Variants in PKHD1 observed in about 807,000 individuals in gnomAD.
PKHD1 encodes fibrocystin.
A neutral mutation model predicts 412.0 loss-of-function variants in PKHD1; 291 were observed. The ratio of observed to expected loss-of-function variants is 0.71; its 90% confidence interval spans 0.64 to 0.78. The LOEUF is 0.78. Ranked by LOEUF, PKHD1 falls within the 30% of genes least tolerant of loss-of-function variation. The pLI is 0.00. For missense variants in PKHD1, 4,825 were observed against 4,950.7 expected, an observed-to-expected ratio of 0.97 and a Z score of 0.76; for synonymous variants, 1,777 against 1,821.5, an observed-to-expected ratio of 0.98 and a Z score of 0.62.
intron 35 of PKHD1, among the ~76,000 whole-genome samples, chr6:51,981,561 C>T (rs1367377679): frequency 6.7e-6 from 1 of 150,262 alleles, no homozygotes; most frequent in Non-Finnish European, 1.5e-5. Context: ...GCGAGTGATC[C>T]GCCAGCCTCG....
chr6:51,672,672 G>A (rs972063313), intron 60 of PKHD1, among the ~76,000 whole-genome samples: 3 of 152,180 alleles, frequency 2.0e-5, no homozygotes, highest in African/African-American at 4.8e-5. Context: ...AGGACAAAGA[G>A]TCATAGGTAT....
chr6:52,026,164 T>C lies in PKHD1; in HGVS notation c.3646A>G (p.Ile1216Val). The change falls in exon 32 of 67, where the codon ATC becomes GTC. Residue 1216 changes from isoleucine (I) to valine (V), a missense_variant. By Grantham distance (29) the Ile-to-Val change is conservative. Coordinates refer to ENST00000371117, the MANE Select transcript of PKHD1 (RefSeq NM_138694.4). ...GSLLGGTILSISGIGFSRDPA... is the reference protein window; with the variant it reads ...GSLLGGTILSVSGIGFSRDPA... ...TCCCTGCTGAAGCCTATTCCTGAGA[T>C]GCTGAGGATGGTCCCTCCTAAAGTA... 1.9e-6 allele frequency: 3 copies of C among 1,614,018 alleles called. No individual in the cohort carries two copies. Among genetic ancestry groups the C allele is most frequent in the Non-Finnish European group, 2.5e-6 (3 of 1,179,954 alleles).
intron 29 of PKHD1, 111 bp from the exon 30 acceptor site, chr6:52,028,462 T>A: frequency 1.0e-6 from 1 of 971,730 alleles, no homozygotes; most frequent in East Asian, 2.5e-5. Context: ...CCCCTATGCA[T>A]AATACTCTTA....
At chr6:51,997,974 T>C (rs1440603995) in intron 35 of PKHD1, among the ~76,000 whole-genome samples, 2 of 152,194 alleles carry the variant, frequency 1.3e-5, no homozygotes, top group Non-Finnish European at 2.9e-5. Flanking sequence ...AAAGACACCA[T>C]GTGGAATAGA....
At chr6:51,915,833 G>A (rs1402391145) in intron 37 of PKHD1, among the ~76,000 whole-genome samples, 3 of 151,972 alleles carry the variant, frequency 2.0e-5, no homozygotes, top group Non-Finnish European at 4.4e-5. Flanking sequence ...GGTGACTAAG[G>A]CAGACAGATG....
intron 60 of PKHD1, chr6:51,722,082 C>T (rs1422639942): frequency 1.2e-5 from 19 of 1,612,274 alleles, no homozygotes; most frequent in Non-Finnish European, 1.5e-5. Context: ...TGTCTCCACC[C>T]TTCTTTTCTT....
chr6:52,030,988 A>T (rs1159026121), intron 29 of PKHD1, among the ~76,000 whole-genome samples: 1 of 152,188 alleles, frequency 6.6e-6, no homozygotes, highest in East Asian at 1.9e-4. Context: ...AGAAGTAAAA[A>T]AAAAATAGGA....
At chr6:52,070,522 CA>C in intron 9 of PKHD1, 77 bp from the exon 10 acceptor site, 1 of 1,026,330 alleles carries the variant, frequency 9.7e-7, no homozygotes, top group Non-Finnish European at 1.5e-6. Context: ...TTCATAAGCC[CA>C]AAGACTCCAA....
At chr6:51,896,060 T>C (rs1779897196) in intron 43 of PKHD1, among the ~76,000 whole-genome samples, 1 of 152,014 alleles carries the variant, frequency 6.6e-6, no homozygotes, top group Non-Finnish European at 1.5e-5. Context: ...CAGTCTGAGA[T>C]CAAACTGCAA....
chr6:52,062,785 A>G lies in PKHD1; in HGVS notation c.977-125T>C, dbSNP rs146088163. Reference sequence around the variant, plus strand: ...TACCTGTAAAGGTAAGTCAACCTAGAGCCAGATAGAGTAGTTATATGAAAG... The same window carrying G: ...TACCTGTAAAGGTAAGTCAACCTAGGGCCAGATAGAGTAGTTATATGAAAG... On this transcript the variant is annotated intron_variant, in intron 13 of 66. Transcript: ENST00000371117. The G allele has an allele frequency of 1.3e-4, 136 of 1,085,640 alleles. No individual in the cohort carries two copies. The East Asian group carries it at 3.1e-3, about 25-fold the overall frequency. 67.3% of individuals were successfully genotyped at this position (1,085,640 alleles called of 1,614,324 possible). A position where few individuals can be genotyped will look rare whatever the true frequency, so the allele number is the denominator to read the frequency against.
chr6:51,692,938 T>G (rs1179069329), intron 60 of PKHD1, among the ~76,000 whole-genome samples: 1 of 152,230 alleles, frequency 6.6e-6, no homozygotes, highest in Non-Finnish European at 1.5e-5. Flanking sequence ...TTTGCTGTTC[T>G]TGAAATGTTC....
chr6:52,034,858 T>G (rs746887515), intron 28 of PKHD1, among the ~76,000 whole-genome samples: 2 of 152,224 alleles, frequency 1.3e-5, no homozygotes, highest in African/African-American at 4.8e-5. Context: ...TAGATGAGAT[T>G]AAAATGTAGG....
At chr6:51,677,302 C>T (rs766775241) in intron 60 of PKHD1, among the ~76,000 whole-genome samples, 1 of 152,070 alleles carries the variant, frequency 6.6e-6, no homozygotes, top group Non-Finnish European at 1.5e-5. Flanking sequence ...ACCTCTGGCA[C>T]CATTTTCAAT....
Position 51,748,031 on chromosome 6 carries a change from T to G in PKHD1, c.9585A>C (p.Lys3195Asn), listed in dbSNP as rs1417442108. 1 of 1,614,096 alleles carries G rather than the reference T, an allele frequency of 6.2e-7. No individual in the cohort carries two copies. The highest frequency in any genetic ancestry group is 1.3e-5 in the African/African-American group (1 of 75,044). The change falls in exon 58 of 67, where the codon AAA becomes AAC. Residue 3195 changes from lysine (K) to asparagine (N), a missense_variant. Lys to Asn is a moderately conservative substitution (Grantham distance 94). Coordinates refer to ENST00000371117, the MANE Select transcript of PKHD1 (RefSeq NM_138694.4). Reference sequence around the variant, plus strand: ...CTGAATTCCTAAGCACAATCTGCACTTTTTTGACGGAATTTTGTGGAGCAG... The same window carrying G: ...CTGAATTCCTAAGCACAATCTGCACGTTTTTGACGGAATTTTGTGGAGCAG... ...VFSAPQNSVK[K>N]VQIVLRNSVI...
intron 53 of PKHD1, among the ~76,000 whole-genome samples, chr6:51,787,923 G>C (rs1793142356): frequency 6.6e-6 from 1 of 152,114 alleles, no homozygotes; most frequent in Admixed American, 6.6e-5. Context: ...CAAGAACAGG[G>C]CTCAACTGTA....
chr6:51,888,130 T>G (rs971811024), intron 43 of PKHD1, among the ~76,000 whole-genome samples: 2 of 152,254 alleles, frequency 1.3e-5, no homozygotes, highest in African/African-American at 4.8e-5. Flanking sequence ...CAGTCATGAC[T>G]TAGTACCAAG....
intron 48 of PKHD1, among the ~76,000 whole-genome samples, chr6:51,866,168 C>T (rs942678052): frequency 2.6e-5 from 4 of 152,094 alleles, no homozygotes; most frequent in African/African-American, 4.8e-5. Context: ...ACTGGAAGCA[C>T]GCTGAGACTT....
chr6:51,724,334 T>C (rs573940539), intron 60 of PKHD1, among the ~76,000 whole-genome samples: 1 of 152,276 alleles, frequency 6.6e-6, no homozygotes, highest in African/African-American at 2.4e-5. Flanking sequence ...TAGAAATCAT[T>C]TACTACTCCT....
intron 37 of PKHD1, among the ~76,000 whole-genome samples, chr6:51,925,457 G>GTGTA (rs139625670): frequency 0.37 from 47,223 of 128,280 alleles, 8,278 homozygotes; most frequent in East Asian, 0.76. Flanking sequence ...GTGTGTGTAT[G>GTGTA]TGTGTGTGTG....
Sources: gnomAD v4.1 joint callset for allele counts (sites outside exome capture counted in the v4.1 genomes callset) on GRCh38, gnomAD v4.1.1 for gene constraint, MANE v1.5 for transcripts, NCBI Gene and HGNC (gene_info 2026-07-23, HGNC 2026-07-21) for gene names.